The following NSL1 variants were observed in gnomAD, a reference collection of about 807,000 sequenced individuals.
The protein encoded by NSL1 is NSL1 component of MIS12 kinetochore complex.
NSL1 carries 11 observed loss-of-function variants against 25.4 expected under a neutral mutation model. The observed-to-expected ratio is 0.43, with a 90% CI of 0.27 to 0.72. The LOEUF (loss-of-function observed/expected upper bound fraction) is 0.72. NSL1 is among the 30% of genes least tolerant of loss of function. The probability of loss-of-function intolerance (pLI) is 0.19; values close to 1 mark genes in which losing one functional copy is unlikely to be tolerated. For missense variants in NSL1, 330 were observed against 342.7 expected, an observed-to-expected ratio of 0.96 and a Z score of 0.29; for synonymous variants, 118 against 120.6, an observed-to-expected ratio of 0.98 and a Z score of 0.14.
At chr1:212,773,663 A>AAAGT in intron 4 of NSL1, among the ~76,000 whole-genome samples, 1 of 152,182 alleles carries the variant, frequency 6.6e-6, no homozygotes, top group Non-Finnish European at 1.5e-5. Flanking sequence ...GAATTACCAT[A>AAAGT]TGCTCCACCA....
intron 4 of NSL1, among the ~76,000 whole-genome samples, chr1:212,778,999 T>C (rs1169053440): frequency 1.4e-5 from 2 of 142,300 alleles, no homozygotes; most frequent in Non-Finnish European, 3.0e-5. Flanking sequence ...GTGAGGAGCG[T>C]CTCTGCCCGG....
At chr1:212,767,616 C>T (rs1365632376) in intron 4 of NSL1, among the ~76,000 whole-genome samples, 1 of 152,156 alleles carries the variant, frequency 6.6e-6, no homozygotes, top group Admixed American at 6.5e-5. Context: ...AAGAAATAAT[C>T]AGCAGAGTAA....
intron 4 of NSL1, among the ~76,000 whole-genome samples, chr1:212,762,728 G>A (rs753107414): frequency 4.6e-5 from 7 of 152,156 alleles, no homozygotes; most frequent in Admixed American, 6.5e-5. Context: ...TAACCCTACC[G>A]AGAGCTGGAA....
chr1:212,786,503 C>G (rs1421235511), intron 2 of NSL1, among the ~76,000 whole-genome samples: 1 of 151,830 alleles, frequency 6.6e-6, no homozygotes, highest in African/African-American at 2.4e-5. Flanking sequence ...GATAAAGCTA[C>G]AATTAAAATG....
intron 4 of NSL1, among the ~76,000 whole-genome samples, chr1:212,740,772 G>C (rs1310067160): frequency 6.6e-6 from 1 of 152,090 alleles, no homozygotes; most frequent in East Asian, 1.9e-4. Context: ...TAAAATTTCA[G>C]AATGTTTTAA....
At chr1:212,753,907 G>C (rs1659181355) in intron 4 of NSL1, among the ~76,000 whole-genome samples, 1 of 152,176 alleles carries the variant, frequency 6.6e-6, no homozygotes, top group Non-Finnish European at 1.5e-5. Context: ...ATCTCTCTGA[G>C]GAGGTAACAT....
Position 212,730,319 on chromosome 1 carries a change from T to A in NSL1, c.*8089A>T. ...GACTGGTGAAGAGTTGTGTGGAGGG[T>A]GGCATTCCCATCAAGGTGGCATCAG... On this transcript the variant is annotated 3_prime_UTR_variant, in exon 6 of 6. Coordinates refer to ENST00000366977, the MANE Select transcript of NSL1 (RefSeq NM_015471.4). 4.2e-6 allele frequency: 4 copies of A among 961,974 alleles called. No individual in the cohort carries two copies. The highest frequency in any genetic ancestry group is 3.6e-6 in the Non-Finnish European group (3 of 824,108). 59.6% of individuals were successfully genotyped at this position (961,974 alleles called of 1,614,324 possible). A position where few individuals can be genotyped will look rare whatever the true frequency, so the allele number is the denominator to read the frequency against.
chr1:212,777,557 A>C (rs1385500230), intron 4 of NSL1, among the ~76,000 whole-genome samples: 1 of 152,230 alleles, frequency 6.6e-6, no homozygotes, highest in Non-Finnish European at 1.5e-5. Flanking sequence ...TGATATGATC[A>C]GTATGATACA....
Position 212,730,655 on chromosome 1 carries a change from T to A in NSL1, c.*7753A>T, listed in dbSNP as rs1358646071. 6 of 985,290 alleles carry A rather than the reference T, an allele frequency of 6.1e-6. No homozygotes were observed. The highest frequency in any genetic ancestry group is 7.2e-6 in the Non-Finnish European group (6 of 829,946). The allele number at this position is 985,290 out of a possible 1,614,324, so 61.0% of individuals were successfully genotyped here. On this transcript the variant is annotated 3_prime_UTR_variant, in exon 6 of 6. Transcript: ENST00000366977. The stretch of plus-strand genomic sequence containing the variant: ...AAGGTGATCAGAAGGCAACTATACC[T>A]GCTAGCACAGTGATGTCACTGAGGG...
At chr1:212,745,463 C>T (rs1658743872) in intron 4 of NSL1, among the ~76,000 whole-genome samples, 2 of 151,912 alleles carry the variant, frequency 1.3e-5, no homozygotes, top group Admixed American at 1.3e-4. Flanking sequence ...CTGAAAGCAA[C>T]AAGAGAGAAG....
At chr1:212,747,780 T>C (rs1338394954) in intron 4 of NSL1, among the ~76,000 whole-genome samples, 1 of 152,218 alleles carries the variant, frequency 6.6e-6, no homozygotes, top group Non-Finnish European at 1.5e-5. Context: ...TTTTTTCTTT[T>C]TTTGACACAG....
At chr1:212,739,810 C>A (rs1273531736) in intron 4 of NSL1, among the ~76,000 whole-genome samples, 1 of 152,166 alleles carries the variant, frequency 6.6e-6, no homozygotes, top group Non-Finnish European at 1.5e-5. Context: ...ACACAAAATT[C>A]TATTACGAGT....
intron 4 of NSL1, among the ~76,000 whole-genome samples, chr1:212,772,723 C>T (rs1660183288): frequency 6.6e-6 from 1 of 151,788 alleles, no homozygotes; most frequent in Admixed American, 6.6e-5. Context: ...TAGTACAAAA[C>T]CACAAGAGTC....
chr1:212,749,269 GTTA>G (rs1236800927), intron 4 of NSL1, among the ~76,000 whole-genome samples: 12 of 147,440 alleles, frequency 8.1e-5, no homozygotes, highest in Non-Finnish European at 1.0e-4. Context: ...CTTCTTCATT[GTTA>G]TTATATTGTT....
In NSL1 at chr1:212,734,846, ATT is replaced by A. The variant is rs941210533; in HGVS notation, c.*3560_*3561del. 1.1e-4 allele frequency among the ~76,000 whole-genome samples: 16 copies of A among 152,172 alleles called. No individual in the cohort carries two copies. Among genetic ancestry groups the A allele is most frequent in the African/African-American group, 3.6e-4 (15 of 41,440 alleles). On this transcript the variant is annotated 3_prime_UTR_variant, in exon 6 of 6. Transcript: ENST00000366977. ...ATACCATTTGCTGCATGGCATTATC[ATT>A]GTTTGCACACTCATCCTCTTCACTG...
chr1:212,742,372 A>G (rs1047824179), intron 4 of NSL1, among the ~76,000 whole-genome samples: 4 of 152,220 alleles, frequency 2.6e-5, no homozygotes, highest in Admixed American at 6.5e-5. Context: ...AATAGATTAG[A>G]TTTATTTGAA....
Position 212,737,016 on chromosome 1 carries a change from T to A in NSL1, c.*1392A>T, listed in dbSNP as rs1658257447. 1.0e-6 allele frequency: 1 copy of A among 984,990 alleles called. No individual in the cohort carries two copies. The highest frequency in any genetic ancestry group is 4.7e-5 in the South Asian group (1 of 21,276). 61.0% of individuals were successfully genotyped at this position (984,990 alleles called of 1,614,324 possible). ...TTTAATACTATAAAAACATTAGCAC[T>A]GTAAAAACAGCAACATATTATACAG... On this transcript the variant is annotated 3_prime_UTR_variant, in exon 6 of 6. Coordinates refer to ENST00000366977, the MANE Select transcript of NSL1 (RefSeq NM_015471.4).
intron 4 of NSL1, among the ~76,000 whole-genome samples, chr1:212,772,299 C>G (rs1157601480): frequency 6.6e-6 from 1 of 152,086 alleles, no homozygotes; most frequent in Non-Finnish European, 1.5e-5. Flanking sequence ...CCATAATACC[C>G]AAAGCAATCT....
chr1:212,745,366 A>G (rs1016627398), intron 4 of NSL1, among the ~76,000 whole-genome samples: 4 of 151,998 alleles, frequency 2.6e-5, no homozygotes, highest in Non-Finnish European at 5.9e-5. Flanking sequence ...ACATCCAAGA[A>G]GCTCAACAAA....
Sources: gnomAD v4.1 joint callset for allele counts (sites outside exome capture counted in the v4.1 genomes callset) on GRCh38, gnomAD v4.1.1 for gene constraint, MANE v1.5 for transcripts, NCBI Gene and HGNC (gene_info 2026-07-23, HGNC 2026-07-21) for gene names.